Variants in ATP8B4 observed in about 807,000 individuals in gnomAD.
The protein encoded by ATP8B4 is ATPase phospholipid transporting 8B4 (putative), also known as probable phospholipid-transporting ATPase IM.
ATP8B4 carries 133 observed loss-of-function variants against 145.6 expected under a neutral mutation model. That is an observed-to-expected ratio of 0.91 (90% CI 0.79 to 1.05). ATP8B4 has a LOEUF of 1.05. Among genes scored for constraint, ATP8B4 ranks in the 50% least tolerant of loss-of-function variants. ATP8B4 has a pLI of 0.00. For missense variants in ATP8B4, 1,458 were observed against 1,425.2 expected (o/e 1.02, Z -0.37); for synonymous variants, 507 against 492.9 (o/e 1.03, Z -0.38).
intron 14 of ATP8B4, among the ~76,000 whole-genome samples, chr15:49,955,515 C>T (rs1476091874): frequency 6.6e-6 from 1 of 152,154 alleles, no homozygotes; most frequent in Non-Finnish European, 1.5e-5. Context: ...TACTATCCTG[C>T]AATCTCTTAT....
At chr15:50,071,615 T>C (rs2053743102) in intron 3 of ATP8B4, among the ~76,000 whole-genome samples, 1 of 152,228 alleles carries the variant, frequency 6.6e-6, no homozygotes, top group Admixed American at 6.5e-5. Context: ...TCAGAGGTCA[T>C]TCTCCACAGT....
rs757258757 is a variant in ATP8B4 at position 50,119,176 on chromosome 15, G to A, written c.-96C>T. On this transcript the variant is annotated 5_prime_UTR_variant, in exon 1 of 28. Transcript: ENST00000284509. Reference sequence around the variant, plus strand: ...AAAGGAAGATTTCTCAGCAGTGCAGGAAGATCAAACAGGTATCCATTCCGT... The same window carrying A: ...AAAGGAAGATTTCTCAGCAGTGCAGAAAGATCAAACAGGTATCCATTCCGT... The A allele has an allele frequency of 3.3e-5, 5 of 152,266 alleles. No homozygotes were observed. The highest frequency in any genetic ancestry group is 5.9e-5 in the Non-Finnish European group (4 of 68,126). The allele number at this position is 152,266 out of a possible 1,614,324, so 9.4% of individuals were successfully genotyped here.
chr15:49,967,204 G>A (rs1053988934), intron 13 of ATP8B4, among the ~76,000 whole-genome samples: 8 of 152,144 alleles, frequency 5.3e-5, no homozygotes, highest in Non-Finnish European at 1.0e-4. Flanking sequence ...AAACCAGAAC[G>A]CCTCTTCTCC....
chr15:49,951,063 G>GT (rs71124315), intron 14 of ATP8B4, among the ~76,000 whole-genome samples: 34,075 of 152,014 alleles, frequency 0.22, 4,913 homozygotes, highest in Non-Finnish European at 0.31. Context: ...CTGAGAGACT[G>GT]TTTTTTTGTG....
At position 49,951,232 on chromosome 15, in the gene ATP8B4, G is replaced by A. The variant is rs550542137; in HGVS notation, c.1287+10745C>T. Among the ~76,000 whole-genome samples the A allele has an allele frequency of 2.2e-4, 33 of 152,304 alleles. 1 individual carries two copies. The Middle Eastern group carries it at 0.01, about 47-fold the overall frequency. On this transcript the variant is annotated intron_variant, in intron 14 of 27. Transcript: ENST00000284509. ...CTAGTTCCACTTGATCCAGAGCTGAGTTCAAGTGCTGAATATCCTTGGTAA... is the reference window on the plus strand; with the variant it reads ...CTAGTTCCACTTGATCCAGAGCTGAATTCAAGTGCTGAATATCCTTGGTAA...
intron 1 of ATP8B4, among the ~76,000 whole-genome samples, chr15:50,181,007 G>A (rs985944999): frequency 6.6e-5 from 10 of 152,036 alleles, no homozygotes; most frequent in South Asian, 4.1e-4. Flanking sequence ...TTGGTTCCCC[G>A]GGACCAAACA....
chr15:49,879,318 C>T (rs1180434087), intron 24 of ATP8B4, 58 bp downstream of exon 24: 2 of 1,478,122 alleles, frequency 1.4e-6, no homozygotes, highest in Admixed American at 2.0e-5. Context: ...TTAGAACCCA[C>T]AAAAAACTAA....
intron 1 of ATP8B4, among the ~76,000 whole-genome samples, chr15:50,179,206 C>T (rs1316420593): frequency 6.6e-6 from 1 of 152,138 alleles, no homozygotes; most frequent in Non-Finnish European, 1.5e-5. Context: ...AGCAGAAACT[C>T]AATAAATATT....
intron 1 of ATP8B4, among the ~76,000 whole-genome samples, chr15:50,172,934 C>T (rs1463624747): frequency 2.8e-5 from 4 of 145,220 alleles, no homozygotes; most frequent in South Asian, 2.2e-4. Flanking sequence ...AAGTGAGGAG[C>T]GTCTCCGCCC....
chr15:50,112,840 T>C (rs1310790047), intron 1 of ATP8B4, among the ~76,000 whole-genome samples: 1 of 152,106 alleles, frequency 6.6e-6, no homozygotes, highest in Non-Finnish European at 1.5e-5. Flanking sequence ...CCCAGTTTCC[T>C]TTCCGTTTCC....
At chr15:50,134,692 A>C (rs1452051036) in intron 1 of ATP8B4, among the ~76,000 whole-genome samples, 1 of 152,198 alleles carries the variant, frequency 6.6e-6, no homozygotes, top group Non-Finnish European at 1.5e-5. Context: ...ATGGAGAACA[A>C]AGTATAGATT....
rs1329864798 is a variant in ATP8B4 at position 49,916,995 on chromosome 15, C to T, written c.2080G>A (p.Asp694Asn). 2 of 1,613,914 alleles carry T rather than the reference C, an allele frequency of 1.2e-6. No homozygotes were observed. Among genetic ancestry groups the T allele is most frequent in the Non-Finnish European group, 1.7e-6 (2 of 1,179,884 alleles). Residue 694 changes from aspartate to asparagine, a missense_variant, in exon 20 of 28, where the codon GAC becomes AAC. Asp to Asn is a conservative substitution (Grantham distance 23). Coordinates refer to ENST00000284509, the MANE Select transcript of ATP8B4 (RefSeq NM_024837.4). ...IGYACNMLTDDMNDVFVIAGN... is the reference protein window; with the variant it reads ...IGYACNMLTDNMNDVFVIAGN... ...GCTATCACAAACACATCATTCATGT[C>T]GTCAGTCAGCATGTTGCAGGCATAA... is the stretch of plus-strand genomic sequence containing the variant.
At chr15:49,950,619 C>CAA (rs748025885) in intron 14 of ATP8B4, among the ~76,000 whole-genome samples, 13,851 of 109,046 alleles carry the variant, frequency 0.13, 920 homozygotes, top group African/African-American at 0.16. Context: ...AACAAACAAA[C>CAA]AAAAAAAACA....
intron 15 of ATP8B4, among the ~76,000 whole-genome samples, chr15:49,931,523 G>C (rs1019847272): frequency 1.3e-5 from 2 of 151,954 alleles, no homozygotes; most frequent in African/African-American, 2.4e-5. Context: ...TATAGCCCTT[G>C]TCATCTTATA....
chr15:49,997,826 A>T (rs1240531218), intron 8 of ATP8B4, among the ~76,000 whole-genome samples: 1 of 152,162 alleles, frequency 6.6e-6, no homozygotes, highest in Non-Finnish European at 1.5e-5. Context: ...ACTAAGTTGG[A>T]TGTATAATTC....
chr15:50,117,777 T>G (rs998134317), intron 1 of ATP8B4, among the ~76,000 whole-genome samples: 1 of 152,166 alleles, frequency 6.6e-6, no homozygotes, highest in Non-Finnish European at 1.5e-5. Flanking sequence ...GGAATAAAAT[T>G]TTTAAATGTG....
intron 14 of ATP8B4, among the ~76,000 whole-genome samples, chr15:49,959,302 A>G (rs1599433547): frequency 6.6e-6 from 1 of 152,182 alleles, no homozygotes; most frequent in Middle Eastern, 3.4e-3. Flanking sequence ...GTGAAAATAA[A>G]TTTATATTTA....
At chr15:49,879,485 G>A (rs766287204) in intron 23 of ATP8B4, 26 bp from the exon 24 acceptor site, 2 of 1,547,218 alleles carry the variant, frequency 1.3e-6, no homozygotes, top group Middle Eastern at 1.8e-4. Flanking sequence ...ACATATAAGT[G>A]AGAAACATCA....
In ATP8B4 at chr15:49,862,298, C is replaced by T. The variant is rs770272439; in HGVS notation, c.3244G>A (p.Val1082Met). ...LLTTVASVMP[V>M]VAFRFLKVDL... ...ACCTTCAAAAATCTGAATGCCACCA[C>T]TGGCATAACTGAAGCCACTGTTGTT... is the stretch of plus-strand genomic sequence containing the variant. The change falls in exon 27 of 28, where the codon GTG (valine) becomes ATG (methionine). Residue 1082 changes from valine (V) to methionine (M), a missense_variant. Transcript: ENST00000284509. The T allele has an allele frequency of 1.2e-6, 2 of 1,613,752 alleles. No homozygotes were observed. Among genetic ancestry groups the T allele is most frequent in the Non-Finnish European group, 1.7e-6 (2 of 1,179,716 alleles).
Sources: allele counts gnomAD v4.1 joint callset (sites outside exome capture counted in the v4.1 genomes callset), GRCh38; gene constraint gnomAD v4.1.1; transcripts MANE v1.5; gene names NCBI Gene and HGNC (gene_info 2026-07-23, HGNC 2026-07-21).